Variants in SV2B observed in about 807,000 individuals in gnomAD.
SV2B encodes synaptic vesicle glycoprotein 2B.
In SV2B, 41 loss-of-function variants were observed where a neutral mutation model predicts 73.9. That is an observed-to-expected ratio of 0.56 (90% CI 0.43 to 0.72). SV2B has a LOEUF of 0.72. SV2B is among the 30% of genes least tolerant of loss of function. The pLI, the probability that SV2B is intolerant of heterozygous loss-of-function variation, is 0.00. For synonymous variants in SV2B, 314 were observed against 314.2 expected (o/e 1.00, Z 0.01); for missense variants, 764 against 857.8 (o/e 0.89, Z 1.37).
At chr15:91,150,005 T>C (rs543883111) in intron 1 of SV2B, among the ~76,000 whole-genome samples, 2 of 152,200 alleles carry the variant, frequency 1.3e-5, no homozygotes, top group South Asian at 4.2e-4. Flanking sequence ...TGTCTGTCTC[T>C]CTTTATTTGT....
At chr15:91,292,344 A>G in intron 12 of SV2B, 25 bp from the exon 13 acceptor site, 2 of 1,607,326 alleles carry the variant, frequency 1.2e-6, no homozygotes, top group Non-Finnish European at 1.7e-6. Context: ...AGAATGTCAG[A>G]ATTATTTCCA....
chr15:91,180,508 C>T (rs2044508490), intron 1 of SV2B, among the ~76,000 whole-genome samples: 1 of 152,286 alleles, frequency 6.6e-6, no homozygotes, highest in South Asian at 2.1e-4. Context: ...TGGTTCCATT[C>T]TCCCCGTCAC....
intron 9 of SV2B, among the ~76,000 whole-genome samples, chr15:91,276,854 T>C (rs1406191087): frequency 1.3e-5 from 2 of 149,976 alleles, no homozygotes; most frequent in African/African-American, 5.0e-5. Context: ...AGAGTTTTGC[T>C]CTTGTTGCCC....
rs989875518 is a variant in SV2B, at chr15:91,283,222, T to A, written c.1508-799T>A. On this transcript the variant is annotated intron_variant, in intron 10 of 12. Coordinates refer to ENST00000394232, the MANE Select transcript of SV2B (RefSeq NM_001323032.3). The surrounding 1 kb of genome is among the most constrained non-coding windows in gnomAD (Gnocchi z 4.3). ...GGTGTCAGAAGACTTGCAAACTGGT[T>A]CCAATGCAAATGGCTTTTATTTTTT... is the stretch of plus-strand genomic sequence containing the variant. 4.6e-5 allele frequency among the ~76,000 whole-genome samples: 7 copies of A among 152,248 alleles called. No homozygotes were observed. The highest frequency in any genetic ancestry group is 1.7e-4 in the African/African-American group (7 of 41,462).
intron 1 of SV2B, among the ~76,000 whole-genome samples, chr15:91,222,793 A>G (rs2046259958): frequency 6.6e-6 from 1 of 152,228 alleles, no homozygotes; most frequent in South Asian, 2.1e-4. Flanking sequence ...AACGGAGAGA[A>G]CAATCTTGTT....
chr15:91,274,374 C>T (rs62026611), intron 9 of SV2B, among the ~76,000 whole-genome samples: 59,577 of 151,990 alleles, frequency 0.39, 12,786 homozygotes, highest in African/African-American at 0.57. Flanking sequence ...TTAAAGGAAA[C>T]TATATAAGAT....
intron 9 of SV2B, among the ~76,000 whole-genome samples, chr15:91,272,564 A>G (rs992267917): frequency 6.6e-6 from 1 of 152,084 alleles, no homozygotes; most frequent in Non-Finnish European, 1.5e-5. Flanking sequence ...GTAACTGCTC[A>G]CTCAGATGAT....
At chr15:91,263,648 A>G (rs1164138657) in intron 6 of SV2B, among the ~76,000 whole-genome samples, 1 of 151,814 alleles carries the variant, frequency 6.6e-6, no homozygotes. Context: ...ATTAAGACAA[A>G]CACACAGACA....
chr15:91,277,383 G>A (rs1174375976), intron 9 of SV2B, among the ~76,000 whole-genome samples: 4 of 152,130 alleles, frequency 2.6e-5, no homozygotes, highest in African/African-American at 9.7e-5. Flanking sequence ...TTAGTATACA[G>A]CACTGTGAGT....
chr15:91,150,259 G>A (rs1368274617), intron 1 of SV2B, among the ~76,000 whole-genome samples: 2 of 151,854 alleles, frequency 1.3e-5, no homozygotes, highest in Non-Finnish European at 2.9e-5. Context: ...CACCTGCCTC[G>A]GCCTCCCAAA....
At chr15:91,255,387 G>A (rs887583226) in intron 4 of SV2B, among the ~76,000 whole-genome samples, 1 of 152,086 alleles carries the variant, frequency 6.6e-6, no homozygotes, top group Non-Finnish European at 1.5e-5. Flanking sequence ...ACTAAACATC[G>A]TATGTTCTCA....
intron 1 of SV2B, among the ~76,000 whole-genome samples, chr15:91,178,639 A>G (rs8024217): frequency 0.73 from 111,039 of 151,278 alleles, 41,811 homozygotes; most frequent in African/African-American, 0.91. Context: ...GTGTGTCGAG[A>G]AATTTATCCA....
rs1291213062 is a variant in SV2B, at chr15:91,241,314, C to T, written c.452-10505C>T. ...CTCTTACTCTGCTGTGTTCCCCACC[C>T]CTGGTTGCATCCGACTTTTCCTCCA... On this transcript the variant is annotated intron_variant, in intron 2 of 12. Coordinates refer to ENST00000394232, the MANE Select transcript of SV2B (RefSeq NM_001323032.3). This position sits in a 1 kb window ranked among gnomAD's most constrained non-coding sequence, Gnocchi z 4.8. Among the ~76,000 whole-genome samples the T allele has an allele frequency of 4.6e-5, 7 of 152,154 alleles. No individual in the cohort carries two copies. The highest frequency in any genetic ancestry group is 8.8e-5 in the Non-Finnish European group (6 of 68,022).
At chr15:91,225,534 TTA>T in intron 1 of SV2B, among the ~76,000 whole-genome samples, 1 of 152,156 alleles carries the variant, frequency 6.6e-6, no homozygotes, top group East Asian at 1.9e-4. Context: ...TTATTTTATT[TTA>T]TTTTTTTATT....
chr15:91,166,071 T>C (rs976611503), intron 1 of SV2B, among the ~76,000 whole-genome samples: 1 of 152,238 alleles, frequency 6.6e-6, no homozygotes, highest in African/African-American at 2.4e-5. Flanking sequence ...GTGAGAAATC[T>C]GCAGTCATTT....
chr15:91,113,677 C>T (rs904056653), intron 1 of SV2B, among the ~76,000 whole-genome samples: 7 of 152,138 alleles, frequency 4.6e-5, no homozygotes, highest in African/African-American at 1.7e-4. Flanking sequence ...CCCTTTTCTT[C>T]TCTCATTGTT....
intron 1 of SV2B, among the ~76,000 whole-genome samples, chr15:91,222,712 T>A (rs2141472505): frequency 6.6e-6 from 1 of 152,374 alleles, no homozygotes; most frequent in Middle Eastern, 3.4e-3. Flanking sequence ...AGCCAAGCCC[T>A]GATATTGATT....
In SV2B at chr15:91,292,378, C is replaced by T. The variant is rs757696051; in HGVS notation, c.1878C>T (p.Ala626=). 2.2e-5 allele frequency: 35 copies of T among 1,613,810 alleles called. No homozygotes were observed. Among genetic ancestry groups the T allele is most frequent in the South Asian group, 7.7e-5 (7 of 91,032 alleles). ...ELYPTNQRAT[A]FGILNGLCKF... ...CATTCCTCTTTTACAGAGCAACAGC[C>T]TTCGGCATTCTCAATGGATTATGCA... The change falls in exon 13 of 13, where the codon GCC becomes GCT. Residue 626 remains alanine (A), a synonymous_variant. Transcript: ENST00000394232.
At position 91,140,027 on chromosome 15, in the gene SV2B, C is replaced by T. The variant is rs571440895; in HGVS notation, c.-392+39664C>T. The stretch of plus-strand genomic sequence containing the variant: ...CCTTGGACCAGTAGCATCCGCATCA[C>T]CTGGGAGCTTGCTAGAAATGCAGGC... On this transcript the variant is annotated intron_variant, in intron 1 of 12. Transcript: ENST00000394232. The surrounding 1 kb of genome is among the most constrained non-coding windows in gnomAD (Gnocchi z 4.4). Among the ~76,000 whole-genome samples, 18 of 152,246 alleles carry T rather than the reference C, an allele frequency of 1.2e-4. No individual in the cohort carries two copies. Among genetic ancestry groups the T allele is most frequent in the African/African-American group, 3.6e-4 (15 of 41,548 alleles).
Sources: gnomAD v4.1 joint callset for allele counts (sites outside exome capture counted in the v4.1 genomes callset) on GRCh38, gnomAD v4.1.1 for gene constraint, Gnocchi (gnomAD v3.1) non-coding constraint, MANE v1.5 for transcripts, NCBI Gene and HGNC (gene_info 2026-07-23, HGNC 2026-07-21) for gene names.